The following RILPL1 variants were observed in gnomAD, a reference collection of about 807,000 sequenced individuals.
The protein encoded by RILPL1 is RILP-like protein 1.
Under a neutral mutation model 50.3 loss-of-function variants are expected in RILPL1, and 33 were observed. That is an observed-to-expected ratio of 0.66 (90% CI 0.50 to 0.88). RILPL1 has a LOEUF of 0.88. Among genes scored for constraint, RILPL1 ranks in the 40% least tolerant of loss-of-function variants. The pLI is 0.00. For missense variants in RILPL1, 418 were observed against 542.5 expected (o/e 0.77, Z 2.28); for synonymous variants, 205 against 228.6 (o/e 0.90, Z 0.93).
Position 123,533,145 on chromosome 12 carries a change from C to G in RILPL1, c.309+29G>C, listed in dbSNP as rs1262495684. ...CTTGGGTCCCCGCGGTCCCACTGCC[C>G]GGACGGACAGACCGAGGCCGCCGCC... is the stretch of plus-strand genomic sequence containing the variant. On this transcript the variant is annotated intron_variant, in intron 1 of 6. Transcript: ENST00000376874. The surrounding 1 kb of genome is among the most constrained non-coding windows in gnomAD (Gnocchi z 6.2). 1 of 1,505,122 alleles carries G rather than the reference C, an allele frequency of 6.6e-7. No individual in the cohort carries two copies. Among genetic ancestry groups the G allele is most frequent in the African/African-American group, 1.4e-5 (1 of 72,572 alleles). 93.2% of individuals were successfully genotyped at this position (1,505,122 alleles called of 1,614,324 possible).
chr12:123,494,346 C>G (rs1882895755), intron 4 of RILPL1, among the ~76,000 whole-genome samples: 1 of 152,236 alleles, frequency 6.6e-6, no homozygotes, highest in Non-Finnish European at 1.5e-5. Flanking sequence ...AGCAAAGCTG[C>G]CCCGAGCCTG....
chr12:123,484,738 A>C (rs1882218705), intron 5 of RILPL1: 1 of 213,756 alleles, frequency 4.7e-6, no homozygotes, highest in Non-Finnish European at 9.3e-6. Context: ...AGCTCACTGC[A>C]GCCTTGACCT....
intron 2 of RILPL1, among the ~76,000 whole-genome samples, chr12:123,512,871 G>A (rs376080202): frequency 5.2e-4 from 78 of 149,058 alleles, no homozygotes; most frequent in African/African-American, 1.9e-3. Context: ...TGTGGTGTGT[G>A]AGGTCTGTGT....
chr12:123,506,163 C>A (rs1175991194), intron 2 of RILPL1, among the ~76,000 whole-genome samples: 2 of 152,156 alleles, frequency 1.3e-5, no homozygotes, highest in Non-Finnish European at 2.9e-5. Flanking sequence ...GGGGTCATTT[C>A]CGCTGAGACC....
chr12:123,530,928 G>A (rs1393891550), intron 1 of RILPL1, among the ~76,000 whole-genome samples: 2 of 152,170 alleles, frequency 1.3e-5, no homozygotes, highest in Non-Finnish European at 2.9e-5. Flanking sequence ...CTGAGAGGAG[G>A]AGTAGGGGGA....
intron 6 of RILPL1, among the ~76,000 whole-genome samples, chr12:123,481,990 A>C (rs1882036556): frequency 1.3e-5 from 2 of 151,976 alleles, no homozygotes; most frequent in African/African-American, 4.8e-5. Flanking sequence ...TTCCTGCCTC[A>C]GCCTCCTGAG....
intron 2 of RILPL1, among the ~76,000 whole-genome samples, chr12:123,511,704 A>T (rs1304333939): frequency 4.5e-5 from 2 of 44,712 alleles, no homozygotes; most frequent in Admixed American, 2.9e-4. Context: ...GTGTGGTGTG[A>T]GATCTGTGTG....
In RILPL1 at chr12:123,499,400, C is replaced by T; in HGVS notation, c.579+18G>A. ...ACTGGCTGGGAGGGTGGACGCAGGT[C>T]AGGGGTGTGTCACTCACAGCCTCAA... On this transcript the variant is annotated intron_variant, in intron 3 of 6. Transcript: ENST00000376874. 6.3e-7 allele frequency: 1 copy of T among 1,584,212 alleles called. No individual in the cohort carries two copies. The highest frequency in any genetic ancestry group is 8.7e-7 in the Non-Finnish European group (1 of 1,152,880).
At chr12:123,531,140 T>A in intron 1 of RILPL1, among the ~76,000 whole-genome samples, 1 of 149,616 alleles carries the variant, frequency 6.7e-6, no homozygotes, top group Non-Finnish European at 1.5e-5. Context: ...ATCATACAAG[T>A]CTCTCTCCAT....
intron 2 of RILPL1, among the ~76,000 whole-genome samples, chr12:123,521,463 C>T (rs1884997142): frequency 6.7e-6 from 1 of 150,134 alleles, no homozygotes; most frequent in South Asian, 2.1e-4. Context: ...TCAAACTTTT[C>T]CTTTTTCCTT....
intron 4 of RILPL1, among the ~76,000 whole-genome samples, chr12:123,492,504 A>G (rs544371798): frequency 6.6e-6 from 1 of 152,274 alleles, no homozygotes; most frequent in South Asian, 2.1e-4. Flanking sequence ...GGTGATGAGG[A>G]CACAATAGCT....
At position 123,485,013 on chromosome 12, in the gene RILPL1, G is replaced by A. The variant is rs943735010; in HGVS notation, c.974+620C>T. ...TCAGTAAACCTTTCAATAAAAATGTGTGGTATTATATTTTTTATGCATCTC... is the reference window on the plus strand; with the variant it reads ...TCAGTAAACCTTTCAATAAAAATGTATGGTATTATATTTTTTATGCATCTC... On this transcript the variant is annotated intron_variant, in intron 5 of 6. Coordinates refer to ENST00000376874, the MANE Select transcript of RILPL1 (RefSeq NM_178314.5). The surrounding 1 kb of genome is among the most constrained non-coding windows in gnomAD (Gnocchi z 4.0). The A allele has an allele frequency of 7.6e-6, 3 of 394,714 alleles. No homozygotes were observed. Among genetic ancestry groups the A allele is most frequent in the Non-Finnish European group, 1.5e-5 (3 of 194,752 alleles). The allele number at this position is 394,714 out of a possible 1,614,324, so 24.5% of individuals were successfully genotyped here. A position where few individuals can be genotyped will look rare whatever the true frequency, so the allele number is the denominator to read the frequency against.
chr12:123,511,043 G>A (rs1487580907), intron 2 of RILPL1, among the ~76,000 whole-genome samples: 2 of 137,120 alleles, frequency 1.5e-5, no homozygotes, highest in Non-Finnish European at 3.1e-5. Context: ...GGTGGCATCT[G>A]TGTGTGTGTG....
At chr12:123,476,037 A>G (rs966012412) in intron 6 of RILPL1, 2 of 316,060 alleles carry the variant, frequency 6.3e-6, no homozygotes, top group African/African-American at 4.4e-5. Context: ...CTGAGTGGCT[A>G]GGGATTATAG....
rs1430927480 is a variant in RILPL1 at position 123,513,441 on chromosome 12, ATG to A, written c.460+10052_460+10053del. 3 of 275,322 alleles carry A rather than the reference ATG, an allele frequency of 1.1e-5. No homozygotes were observed. The East Asian group carries it at 3.6e-4, about 33-fold the overall frequency. The allele number at this position is 275,322 out of a possible 1,614,324, so 17.1% of individuals were successfully genotyped here. ...TGAGGAGAGAGGGGCGGCTGGGTCT[ATG>A]TGGAAGCCCAGCAGCCTCATCACCT... is the stretch of plus-strand genomic sequence containing the variant. On this transcript the variant is annotated intron_variant, in intron 2 of 6. Coordinates refer to ENST00000376874, the MANE Select transcript of RILPL1 (RefSeq NM_178314.5).
rs1883275586 is a variant in RILPL1 at position 123,500,074 on chromosome 12, G to A, written c.461-538C>T. 2.0e-5 allele frequency among the ~76,000 whole-genome samples: 3 copies of A among 151,716 alleles called. No individual in the cohort carries two copies. In the South Asian group the frequency reaches 6.2e-4, roughly 32 times the overall value. Reference sequence around the variant, plus strand: ...AGCCTCCTGAGTAGCTGGGACTACAGGGCCCACCACCACGCCCGGCTAAAT... The same window carrying A: ...AGCCTCCTGAGTAGCTGGGACTACAAGGCCCACCACCACGCCCGGCTAAAT... On this transcript the variant is annotated intron_variant, in intron 2 of 6. Coordinates refer to ENST00000376874, the MANE Select transcript of RILPL1 (RefSeq NM_178314.5).
rs35289859 is a variant in RILPL1 at position 123,529,580 on chromosome 12, ATT to A, written c.309+3592_309+3593del. On this transcript the variant is annotated intron_variant, in intron 1 of 6. Transcript: ENST00000376874. Reference sequence around the variant, plus strand: ...GTGTGAAACACTGTGCCCAGCCTGAATTTTTTTTTTTTTTTTAATCTATCCTG... The same window carrying A: ...GTGTGAAACACTGTGCCCAGCCTGAATTTTTTTTTTTTTTAATCTATCCTG... 3.0e-3 allele frequency among the ~76,000 whole-genome samples: 434 copies of A among 145,070 alleles called. 1 individual carries two copies. The highest frequency in any genetic ancestry group is 8.6e-3 in the East Asian group (42 of 4,888).
In RILPL1 at chr12:123,491,489, G is replaced by A. The variant is rs187716031; in HGVS notation, c.802-5684C>T. ...CTTAGGAATGCTCCTCACTGCCTGG[G>A]TGCCTCAAAGCACCCTGCCCTCCCA... On this transcript the variant is annotated intron_variant, in intron 4 of 6. Coordinates refer to ENST00000376874, the MANE Select transcript of RILPL1 (RefSeq NM_178314.5). The surrounding 1 kb of genome is among the most constrained non-coding windows in gnomAD (Gnocchi z 4.0). Among the ~76,000 whole-genome samples the A allele has an allele frequency of 2.2e-4, 33 of 152,308 alleles. No individual in the cohort carries two copies. The highest frequency in any genetic ancestry group is 6.5e-4 in the African/African-American group (27 of 41,578).
Position 123,533,359 on chromosome 12 carries a change from T to C in RILPL1, c.124A>G (p.Ile42Val), listed in dbSNP as rs769429353. 124 of 1,575,174 alleles carry C rather than the reference T, an allele frequency of 7.9e-5. 2 individuals carry two copies. In the South Asian group the frequency reaches 1.4e-3, roughly 18 times the overall value. The change falls in exon 1 of 7, where the codon ATT becomes GTT. Residue 42 changes from isoleucine (I) to valine (V), a missense_variant. Transcript: ENST00000376874. This position sits in a 1 kb window ranked among gnomAD's most constrained non-coding sequence, Gnocchi z 6.2. The part of the protein sequence containing the change: ...SLVGHEFERV[I>V]DQHGCEAIAR... ...ATGGCCTCGCAGCCGTGCTGGTCAA[T>C]GACCCGCTCGAACTCGTGGCCCACA... is the stretch of plus-strand genomic sequence containing the variant.
Sources: allele counts gnomAD v4.1 joint callset (sites outside exome capture counted in the v4.1 genomes callset), GRCh38; gene constraint gnomAD v4.1.1; non-coding constraint Gnocchi (gnomAD v3.1); transcripts MANE v1.5; gene names NCBI Gene and HGNC (gene_info 2026-07-23, HGNC 2026-07-21).